The following CHAT variants were observed in gnomAD, a reference collection of about 807,000 sequenced individuals.
CHAT encodes the protein acetyl CoA:choline O-acetyltransferase.
CHAT carries 61 observed loss-of-function variants against 76.9 expected under a neutral mutation model. The ratio of observed to expected loss-of-function variants is 0.79; its 90% CI spans 0.65 to 0.98. CHAT has a LOEUF of 0.98. CHAT is among the 50% of genes least tolerant of loss of function. The pLI is 0.00. For synonymous variants in CHAT, 407 were observed against 397.4 expected (o/e 1.02, Z -0.29); for missense variants, 946 against 986.9 (o/e 0.96, Z 0.56).
intron 7 of CHAT, among the ~76,000 whole-genome samples, chr10:49,638,438 A>C (rs1487460275): frequency 6.6e-6 from 1 of 152,206 alleles, no homozygotes; most frequent in Non-Finnish European, 1.5e-5. Flanking sequence ...TACACTTTAC[A>C]TAATTATCGA....
In CHAT at chr10:49,667,696, G is replaced by T. The variant is rs1487120352; in HGVS notation, c.*2650G>T. On this transcript the variant is annotated 3_prime_UTR_variant, in exon 15 of 15. Coordinates refer to ENST00000337653, the MANE Select transcript of CHAT (RefSeq NM_020549.5). ...TTGGAACAGTGATGCATAATAAAATGTATGTGGCCACCTTACAATACTGCT... is the reference window on the plus strand; with the variant it reads ...TTGGAACAGTGATGCATAATAAAATTTATGTGGCCACCTTACAATACTGCT... 6.6e-6 allele frequency among the ~76,000 whole-genome samples: 1 copy of T among 152,226 alleles called. No individual in the cohort carries two copies. Among genetic ancestry groups the T allele is most frequent in the Non-Finnish European group, 1.5e-5 (1 of 68,040 alleles).
At chr10:49,636,531 G>A (rs376956120) in intron 7 of CHAT, among the ~76,000 whole-genome samples, 3 of 152,070 alleles carry the variant, frequency 2.0e-5, no homozygotes, top group Non-Finnish European at 4.4e-5. Context: ...TACCTGTTTC[G>A]TAAAATAAAT....
At chr10:49,617,471 A>G (rs1838540527) in intron 2 of CHAT, among the ~76,000 whole-genome samples, 1 of 152,068 alleles carries the variant, frequency 6.6e-6, no homozygotes, top group South Asian at 2.1e-4. Flanking sequence ...GTCCAAAGAC[A>G]CTCCTTAGCA....
chr10:49,621,467 C>T (rs1838705646), intron 4 of CHAT, among the ~76,000 whole-genome samples: 1 of 152,200 alleles, frequency 6.6e-6, no homozygotes, highest in African/African-American at 2.4e-5. Context: ...TTAAGCCAGG[C>T]CCAGAATCCT....
rs1409506586 is a variant in CHAT at position 49,649,617 on chromosome 10, T to C, written c.1492T>C (p.Ser498Pro). The change falls in exon 10 of 15, where the codon TCG (serine) becomes CCG (proline). Residue 498 changes from serine (S) to proline (P), a missense_variant. Coordinates refer to ENST00000337653, the MANE Select transcript of CHAT (RefSeq NM_020549.5). Reference protein sequence around the residue: ...SPEIQGHLASSAEKLQRIVKN... With the variant: ...SPEIQGHLASPAEKLQRIVKN... Reference sequence around the variant, plus strand: ...GGAAATTCAAGGCCACTTAGCCTCCTCGGCAGAAAAACTTCAACGGTAAGG... The same window carrying C: ...GGAAATTCAAGGCCACTTAGCCTCCCCGGCAGAAAAACTTCAACGGTAAGG... 4.3e-6 allele frequency: 7 copies of C among 1,613,710 alleles called. No individual in the cohort carries two copies. The highest frequency in any genetic ancestry group is 1.7e-5 in the Admixed American group (1 of 60,010).
intron 14 of CHAT, 140 bp downstream of exon 14, chr10:49,662,922 T>C: frequency 9.2e-7 from 1 of 1,083,244 alleles, no homozygotes; most frequent in South Asian, 1.3e-5. Context: ...AGCAAAATGA[T>C]CTGAATGTTC....
chr10:49,610,280 G>GA (rs1426450707), upstream of CHAT: 116 of 154,988 alleles, frequency 7.5e-4, no homozygotes, highest in African/African-American at 2.1e-3. Context: ...GAGTGGAAGG[G>GA]AAAAAAAAAG....
At chr10:49,655,060 A>C (rs745529857) in intron 11 of CHAT, 35 bp from the exon 12 acceptor site, 1 of 1,613,170 alleles carries the variant, frequency 6.2e-7, no homozygotes, top group Non-Finnish European at 8.5e-7. Flanking sequence ...CCAAGAATAA[A>C]TTACCATGTG....
At chr10:49,638,494 T>G (rs1839367647) in intron 7 of CHAT, among the ~76,000 whole-genome samples, 1 of 152,222 alleles carries the variant, frequency 6.6e-6, no homozygotes, top group Non-Finnish European at 1.5e-5. Context: ...TTTTCTGTTT[T>G]TCAATTATTG....
chr10:49,624,909 G>A (rs1459793011), intron 5 of CHAT, among the ~76,000 whole-genome samples: 2 of 151,860 alleles, frequency 1.3e-5, no homozygotes, highest in African/African-American at 4.8e-5. Flanking sequence ...GGTGGTGGGT[G>A]GAAGGAGGGA....
At chr10:49,640,615 T>G (rs1418539029) in intron 7 of CHAT, among the ~76,000 whole-genome samples, 1 of 152,208 alleles carries the variant, frequency 6.6e-6, no homozygotes, top group Non-Finnish European at 1.5e-5. Context: ...CATCTGAGAC[T>G]GTGCCTTCTC....
chr10:49,653,053 G>C (rs1425724423), intron 11 of CHAT, among the ~76,000 whole-genome samples: 1 of 151,070 alleles, frequency 6.6e-6, no homozygotes, highest in Non-Finnish European at 1.5e-5. Flanking sequence ...TGCTGGCTTT[G>C]TTTTCTAGAC....
In CHAT at chr10:49,665,178, A is replaced by T. The variant is rs1201056194; in HGVS notation, c.*132A>T. 1.0e-6 allele frequency: 1 copy of T among 964,008 alleles called. No individual in the cohort carries two copies. Among genetic ancestry groups the T allele is most frequent in the Non-Finnish European group, 1.6e-6 (1 of 606,266 alleles). The allele number at this position is 964,008 out of a possible 1,614,324, so 59.7% of individuals were successfully genotyped here. A position where few individuals can be genotyped will look rare whatever the true frequency, so the allele number is the denominator to read the frequency against. Reference sequence around the variant, plus strand: ...AGGGTCCAACTCACAGACCATACAGAGACATCACACAGAGCCGGAGTGTTA... The same window carrying T: ...AGGGTCCAACTCACAGACCATACAGTGACATCACACAGAGCCGGAGTGTTA... On this transcript the variant is annotated 3_prime_UTR_variant, in exon 15 of 15. Transcript: ENST00000337653.
chr10:49,649,467 T>C, intron 9 of CHAT, 41 bp from the exon 10 acceptor site: 1 of 1,613,386 alleles, frequency 6.2e-7, no homozygotes, highest in South Asian at 1.1e-5. Flanking sequence ...CCCACAGCTG[T>C]CTGGCCGCAG....
Position 49,621,949 on chromosome 10 carries a change from G to A in CHAT, c.699-148G>A, listed in dbSNP as rs556331565. On this transcript the variant is annotated intron_variant, in intron 4 of 14. Transcript: ENST00000337653. ...GGGCGATCACAGAGTTTGGCAGTGG[G>A]GATGAGGGAGGGAGGAGGGAGGGAG... The A allele has an allele frequency of 1.5e-4, 4 of 26,166 alleles. No individual in the cohort carries two copies. In the East Asian group the frequency reaches 1.9e-3, roughly 12 times the overall value. The allele number at this position is 26,166 out of a possible 1,614,324, so 1.6% of individuals were successfully genotyped here.
chr10:49,624,038 G>A (rs1838828499), intron 5 of CHAT, among the ~76,000 whole-genome samples: 1 of 152,092 alleles, frequency 6.6e-6, no homozygotes, highest in African/African-American at 2.4e-5. Context: ...GCCTCCCAAG[G>A]GCTTTCACTG....
chr10:49,662,234 C>T (rs531666990), intron 13 of CHAT, among the ~76,000 whole-genome samples: 2 of 152,338 alleles, frequency 1.3e-5, no homozygotes, highest in South Asian at 4.1e-4. Context: ...ATCCGGTAGT[C>T]TCCAAGCTCT....
chr10:49,652,152 A>G (rs992579083), intron 11 of CHAT, 146 bp downstream of exon 11: 6 of 1,118,326 alleles, frequency 5.4e-6, no homozygotes, highest in East Asian at 2.5e-5. Context: ...ATGAAGGAGG[A>G]GCAGACTGAA....
At chr10:49,639,750 G>A (rs1161621566) in intron 7 of CHAT, among the ~76,000 whole-genome samples, 3 of 152,128 alleles carry the variant, frequency 2.0e-5, no homozygotes, top group East Asian at 3.8e-4. Context: ...ATCTTTAGAT[G>A]TGTGTCCTTT....
Sources: allele counts gnomAD v4.1 joint callset (sites outside exome capture counted in the v4.1 genomes callset), GRCh38; gene constraint gnomAD v4.1.1; transcripts MANE v1.5; gene names NCBI Gene and HGNC (gene_info 2026-07-23, HGNC 2026-07-21).